Variants in VRK2 observed in about 807,000 individuals in gnomAD.
The protein encoded by VRK2 is serine/threonine-protein kinase VRK2.
In VRK2, 60 loss-of-function variants were observed where a neutral mutation model predicts 57.6. The ratio of observed to expected loss-of-function variants is 1.04; its 90% CI spans 0.85 to 1.29. The LOEUF is 1.29. Among genes scored for constraint, VRK2 ranks in the 50% most tolerant of loss-of-function variants. The pLI is 0.00. For missense variants in VRK2, 705 were observed against 588.1 expected, an observed-to-expected ratio of 1.20 and a Z score of -2.06; for synonymous variants, 231 against 199.2, an observed-to-expected ratio of 1.16 and a Z score of -1.35.
chr2:58,159,128 A>G (rs1443596159), intron 12 of VRK2: 2 of 390,120 alleles, frequency 5.1e-6, no homozygotes, highest in Non-Finnish European at 9.1e-6. Flanking sequence ...GTTTAAAAGA[A>G]CCACTCAAAT....
Position 58,048,874 on chromosome 2 carries a change from T to C in VRK2, c.43T>C (p.Phe15Leu), listed in dbSNP as rs925391571. 3 of 1,614,010 alleles carry C rather than the reference T, an allele frequency of 1.9e-6. No homozygotes were observed. The highest frequency in any genetic ancestry group is 1.3e-5 in the African/African-American group (1 of 75,034). ...RNEKYKLPIP[F>L]PEGKVLDDME... ...TGAAAAATACAAACTTCCTATTCCA[T>C]TTCCAGAAGGCAAGGTTCTGGATGA... Residue 15 changes from phenylalanine to leucine, a missense_variant, in exon 2 of 13, where the codon TTT becomes CTT. Physicochemically the swap from Phe to Leu is conservative, Grantham distance 22 (BLOSUM62 0). Coordinates refer to ENST00000340157, the MANE Select transcript of VRK2 (RefSeq NM_006296.7).
rs1681644502 is a variant in VRK2, at chr2:58,143,487, G to A, written c.1024-2829G>A. ...CATTAATTGGCTATCATTTTGTTTA[G>A]TAGCTAGAAGTGCCCACGGCAGTGC... On this transcript the variant is annotated intron_variant, in intron 11 of 12. Transcript: ENST00000340157. Among the ~76,000 whole-genome samples the A allele has an allele frequency of 2.6e-5, 4 of 151,836 alleles. No individual in the cohort carries two copies. The South Asian group carries it at 8.3e-4, about 32-fold the overall frequency.
intron 1 of VRK2, among the ~76,000 whole-genome samples, chr2:57,925,887 G>A (rs937074991): frequency 6.6e-6 from 1 of 151,372 alleles, no homozygotes; most frequent in East Asian, 1.9e-4. Flanking sequence ...TCCTCTTAGC[G>A]CTGCTTTCAC....
rs1424488221 is a variant in VRK2, at chr2:58,114,333, G to C, written c.544-8768G>C. Among the ~76,000 whole-genome samples the C allele has an allele frequency of 1.3e-5, 2 of 151,828 alleles. 1 individual carries two copies. Among genetic ancestry groups the C allele is most frequent in the African/African-American group, 4.9e-5 (2 of 41,074 alleles). On this transcript the variant is annotated intron_variant, in intron 7 of 12. Coordinates refer to ENST00000340157, the MANE Select transcript of VRK2 (RefSeq NM_006296.7). ...CCAGCTGTGATGGCTTGGAGAAACA[G>C]TGTAAACCAGCAGTGTAAACAAGAG...
At chr2:58,067,714 T>C (rs1283851304) in intron 2 of VRK2, among the ~76,000 whole-genome samples, 1 of 152,132 alleles carries the variant, frequency 6.6e-6, no homozygotes, top group Non-Finnish European at 1.5e-5. Context: ...CTCCATTCAT[T>C]GAAAATCCCT....
At chr2:57,990,186 C>G (rs1672718897) in intron 1 of VRK2, among the ~76,000 whole-genome samples, 3 of 152,192 alleles carry the variant, frequency 2.0e-5, no homozygotes, top group Admixed American at 1.3e-4. Flanking sequence ...AGACTCTCAA[C>G]ATGTGAGAAC....
At chr2:58,001,776 C>T (rs1424583961) in intron 1 of VRK2, among the ~76,000 whole-genome samples, 2 of 151,986 alleles carry the variant, frequency 1.3e-5, no homozygotes, top group African/African-American at 2.4e-5. Flanking sequence ...GAGCCGAGAT[C>T]GCGCCACTGC....
chr2:58,085,302 A>G (rs1671463864), intron 4 of VRK2, among the ~76,000 whole-genome samples: 1 of 151,972 alleles, frequency 6.6e-6, no homozygotes. Context: ...AGGAAAAAAC[A>G]TTAAAATGGG....
At chr2:58,035,683 G>A (rs1242151953) in intron 3 of VRK2, among the ~76,000 whole-genome samples, 7 of 151,958 alleles carry the variant, frequency 4.6e-5, no homozygotes, top group Non-Finnish European at 7.4e-5. Context: ...TACTTCTAGG[G>A]CAGAAGATTT....
At chr2:58,041,317 T>C (rs2103721961) in intron 3 of VRK2, among the ~76,000 whole-genome samples, 1 of 152,218 alleles carries the variant, frequency 6.6e-6, no homozygotes, top group East Asian at 1.9e-4. Flanking sequence ...AAATGAAAAA[T>C]AAAATTCTAA....
intron 2 of VRK2, among the ~76,000 whole-genome samples, chr2:58,066,485 T>A (rs939130902): frequency 5.3e-5 from 8 of 152,314 alleles, no homozygotes; most frequent in African/African-American, 1.9e-4. Flanking sequence ...TGAGAATCTT[T>A]CCATCTTTGT....
intron 7 of VRK2, among the ~76,000 whole-genome samples, chr2:58,106,423 C>T (rs1674761185): frequency 6.6e-6 from 1 of 151,908 alleles, no homozygotes. Flanking sequence ...GGTCAAAATG[C>T]TATTATCATT....
chr2:58,083,582 G>A (rs1275786266), intron 2 of VRK2, among the ~76,000 whole-genome samples: 1 of 151,710 alleles, frequency 6.6e-6, no homozygotes, highest in African/African-American at 2.4e-5. Flanking sequence ...TTTTAACCTT[G>A]CTTGTTCTAG....
intron 2 of VRK2, among the ~76,000 whole-genome samples, chr2:58,071,622 A>G (rs1015006949): frequency 6.6e-6 from 1 of 151,906 alleles, no homozygotes; most frequent in Non-Finnish European, 1.5e-5. Context: ...TATCGGGTCT[A>G]TTTCTAGGCT....
intron 7 of VRK2, among the ~76,000 whole-genome samples, chr2:58,099,462 A>T (rs980589694): frequency 3.3e-5 from 5 of 152,150 alleles, no homozygotes; most frequent in African/African-American, 1.2e-4. Context: ...TCCTCGCAGC[A>T]TGTGTATTTG....
At chr2:58,058,817 G>A (rs1676915730) in intron 2 of VRK2, among the ~76,000 whole-genome samples, 1 of 151,974 alleles carries the variant, frequency 6.6e-6, no homozygotes, top group South Asian at 2.1e-4. Context: ...GGCCTAAAGA[G>A]GATACGTAAA....
upstream of VRK2, among the ~76,000 whole-genome samples, chr2:58,042,554 CATCTTT>C (rs1674502035): frequency 6.6e-6 from 1 of 152,178 alleles, no homozygotes; most frequent in Non-Finnish European, 1.5e-5. Context: ...GTCTATGCAT[CATCTTT>C]AACATTTTAA....
rs1558700038 is a variant in VRK2, at chr2:58,146,417, A to G, written c.1125A>G (p.Thr375=). 6.2e-7 allele frequency: 1 copy of G among 1,611,898 alleles called. No homozygotes were observed. Among genetic ancestry groups the G allele is most frequent in the Admixed American group, 1.7e-5 (1 of 59,838 alleles). ...AGAGAAGCGCTGAGTCCTGTGCAAC[A>G]TGGAAAGTGCAGAAAGAGGAGAAAC... The part of the protein sequence containing the change: ...HSERSAESCA[T]WKVQKEEKLI... The change falls in exon 12 of 13, where the codon ACA becomes ACG. Residue 375 remains threonine, a synonymous_variant. Transcript: ENST00000340157.
At chr2:58,084,006 T>G in intron 2 of VRK2, 83 bp from the exon 3 acceptor site, 2 of 1,458,634 alleles carry the variant, frequency 1.4e-6, no homozygotes, top group South Asian at 1.4e-5. Flanking sequence ...TGTAAAATGC[T>G]TAGCATAGTG....
Sources: gnomAD v4.1 joint callset for allele counts (sites outside exome capture counted in the v4.1 genomes callset) on GRCh38, gnomAD v4.1.1 for gene constraint, MANE v1.5 for transcripts, NCBI Gene and HGNC (gene_info 2026-07-23, HGNC 2026-07-21) for gene names.